The following FARS2 variants were observed in gnomAD, a reference collection of about 807,000 sequenced individuals.
FARS2 encodes phenylalanyl-tRNA synthetase 2, mitochondrial.
In FARS2, 40 loss-of-function variants were observed where a neutral mutation model predicts 46.4. That is an observed-to-expected ratio of 0.86 (90% confidence interval 0.67 to 1.12). The LOEUF (loss-of-function observed/expected upper bound fraction) is 1.12, where lower values mean the gene tolerates loss of function less well. Ranked by LOEUF, FARS2 falls within the 50% of genes most tolerant of loss-of-function variation. The probability of loss-of-function intolerance (pLI) is 0.00; values close to 1 mark genes in which losing one functional copy is unlikely to be tolerated. For synonymous variants in FARS2, 234 were observed against 214.9 expected (o/e 1.09, Z -0.78); for missense variants, 513 against 567.9 (o/e 0.90, Z 0.98).
chr6:5,609,817 A>T (rs1179388321), intron 5 of FARS2: 1 of 1,179,108 alleles, frequency 8.5e-7, no homozygotes, highest in African/African-American at 1.5e-5. Context: ...ACTGTTCAAA[A>T]TAATCTCTTC....
At chr6:5,385,852 C>T (rs1009183760) in intron 2 of FARS2, among the ~76,000 whole-genome samples, 4 of 152,120 alleles carry the variant, frequency 2.6e-5, no homozygotes, top group East Asian at 1.9e-4. Context: ...ATCACAGTTA[C>T]GGCCTGTGTC....
In FARS2 at chr6:5,362,582, G is replaced by A. The variant is rs115141330; in HGVS notation, c.-21-5968G>A. Among the ~76,000 whole-genome samples the A allele has an allele frequency of 3.9e-3, 593 of 152,234 alleles. 5 individuals carry two copies. Among genetic ancestry groups the A allele is most frequent in the African/African-American group, 0.014 (566 of 41,548 alleles). On this transcript the variant is annotated intron_variant, in intron 1 of 6. Transcript: ENST00000274680. ...CTTTGACATGCTGATTTCATTTCCT[G>A]TGTTATATACACAGAAGTGGGATTG...
intron 4 of FARS2, among the ~76,000 whole-genome samples, chr6:5,490,105 A>G (rs986400805): frequency 1.3e-5 from 2 of 152,084 alleles, no homozygotes; most frequent in African/African-American, 4.8e-5. Context: ...TTTTGTCATT[A>G]TGGTTTGCCT....
chr6:5,717,935 T>TATATAGAGAGAGAGAGAGAGAGAG (rs546191530), intron 6 of FARS2, among the ~76,000 whole-genome samples: 2 of 135,630 alleles, frequency 1.5e-5, no homozygotes, highest in African/African-American at 6.1e-5. Flanking sequence ...TATATATATA[T>TATATAGAGAGAGAGAGAGAGAGAG]ACAGAGTCTC....
intron 4 of FARS2, among the ~76,000 whole-genome samples, chr6:5,539,216 T>C (rs1054588158): frequency 6.6e-6 from 1 of 151,394 alleles, no homozygotes; most frequent in South Asian, 2.1e-4. Context: ...CATTTCTTTT[T>C]TTTTTTTGAG....
At chr6:5,719,094 G>C (rs1213885061) in intron 6 of FARS2, among the ~76,000 whole-genome samples, 3 of 152,072 alleles carry the variant, frequency 2.0e-5, no homozygotes, top group East Asian at 1.9e-4. Context: ...TGAAGTAAAG[G>C]CTGCCTGACT....
chr6:5,544,347 G>A (rs373333880), intron 4 of FARS2, among the ~76,000 whole-genome samples: 11 of 152,284 alleles, frequency 7.2e-5, no homozygotes, highest in East Asian at 3.9e-4. Context: ...ATGTGCATGC[G>A]GGGTGGGAGT....
intron 6 of FARS2, among the ~76,000 whole-genome samples, chr6:5,737,216 A>G (rs1314324268): frequency 6.6e-6 from 1 of 152,206 alleles, no homozygotes; most frequent in African/African-American, 2.4e-5. Context: ...AATGGGGGAA[A>G]CAAGAAATAG....
At chr6:5,447,286 C>G (rs1764235952) in intron 4 of FARS2, among the ~76,000 whole-genome samples, 1 of 152,112 alleles carries the variant, frequency 6.6e-6, no homozygotes, top group Non-Finnish European at 1.5e-5. Flanking sequence ...TATCACCAGG[C>G]TTTGTGTGCA....
At chr6:5,557,741 C>T (rs1446066140) in intron 5 of FARS2, among the ~76,000 whole-genome samples, 2 of 152,116 alleles carry the variant, frequency 1.3e-5, no homozygotes, top group African/African-American at 2.4e-5. Flanking sequence ...TGCTTGAAAT[C>T]TCCCCTTAGA....
At chr6:5,295,563 A>G (rs1767798134) in intron 1 of FARS2, among the ~76,000 whole-genome samples, 1 of 152,218 alleles carries the variant, frequency 6.6e-6, no homozygotes, top group Non-Finnish European at 1.5e-5. Context: ...AAATGAGAGA[A>G]TATTTATGAA....
chr6:5,712,096 C>A (rs900512613), intron 6 of FARS2, among the ~76,000 whole-genome samples: 2 of 152,152 alleles, frequency 1.3e-5, no homozygotes, highest in African/African-American at 4.8e-5. Context: ...AAAGCGTTCA[C>A]TTTACCAGAT....
At chr6:5,519,500 C>T (rs1769004293) in intron 4 of FARS2, among the ~76,000 whole-genome samples, 1 of 151,852 alleles carries the variant, frequency 6.6e-6, no homozygotes, top group African/African-American at 2.4e-5. Context: ...GGGTTTTAAA[C>T]ATGTTGATTG....
intron 2 of FARS2, among the ~76,000 whole-genome samples, chr6:5,370,874 C>G (rs542778627): frequency 6.6e-6 from 1 of 152,166 alleles, no homozygotes; most frequent in Non-Finnish European, 1.5e-5. Context: ...AAATTATGCT[C>G]ATGTGTATGT....
intron 5 of FARS2, among the ~76,000 whole-genome samples, chr6:5,585,099 A>G (rs1773544632): frequency 6.6e-6 from 1 of 152,182 alleles, no homozygotes; most frequent in African/African-American, 2.4e-5. Flanking sequence ...AAGCAGAATT[A>G]TGTGGGGAAA....
chr6:5,749,380 G>C (rs1329656356), intron 6 of FARS2, among the ~76,000 whole-genome samples: 1 of 152,256 alleles, frequency 6.6e-6, no homozygotes, highest in Non-Finnish European at 1.5e-5. Context: ...GGGATTGGAA[G>C]AAGGCTGCAG....
chr6:5,522,272 C>A (rs977110836), intron 4 of FARS2, among the ~76,000 whole-genome samples: 1 of 152,202 alleles, frequency 6.6e-6, no homozygotes, highest in Non-Finnish European at 1.5e-5. Context: ...GGCTCACAGT[C>A]TGTCTATCTG....
chr6:5,395,225 A>G (rs547122860), intron 2 of FARS2, among the ~76,000 whole-genome samples: 7 of 151,946 alleles, frequency 4.6e-5, no homozygotes, highest in Non-Finnish European at 1.0e-4. Context: ...TAATTTTTGT[A>G]TTTTTAGTAG....
rs148846212 is a variant in FARS2 at position 5,724,385 on chromosome 6, G to A, written c.1218-46906G>A. On this transcript the variant is annotated intron_variant, in intron 6 of 6. Coordinates refer to ENST00000274680, the MANE Select transcript of FARS2 (RefSeq NM_006567.5). ...GCTGGAGCCATCCCTTCCCTTTGTG[G>A]TCATCACGAAATATCCATGACCATA... is the stretch of plus-strand genomic sequence containing the variant. Among the ~76,000 whole-genome samples, 243 of 152,294 alleles carry A rather than the reference G, an allele frequency of 1.6e-3. 1 individual carries two copies. The highest frequency in any genetic ancestry group is 5.5e-3 in the African/African-American group (227 of 41,560).
Sources: allele counts gnomAD v4.1 joint callset (sites outside exome capture counted in the v4.1 genomes callset), GRCh38; gene constraint gnomAD v4.1.1; transcripts MANE v1.5; gene names NCBI Gene and HGNC (gene_info 2026-07-23, HGNC 2026-07-21).